KCNMA1: variants seen among roughly 807,000 people sequenced by gnomAD.
KCNMA1 encodes the protein potassium calcium-activated channel subfamily M alpha 1, also known as Calcium-activated potassium channel subunit alpha-1.
In KCNMA1, 29 loss-of-function variants were observed where a neutral mutation model predicts 140.0. The ratio of observed to expected loss-of-function variants is 0.21; its 90% CI spans 0.15 to 0.28. The LOEUF (loss-of-function observed/expected upper bound fraction) is 0.28, where lower values mean the gene tolerates loss of function less well. Among genes scored for constraint, KCNMA1 ranks in the 10% least tolerant of loss-of-function variants. The pLI is 1.00. For missense variants in KCNMA1, 880 were observed against 1,602.2 expected (o/e 0.55, Z 7.70); for synonymous variants, 612 against 611.9 (o/e 1.00, Z 0.00).
intron 1 of KCNMA1, among the ~76,000 whole-genome samples, chr10:77,579,806 C>A (rs988112753): frequency 2.0e-4 from 30 of 152,098 alleles, no homozygotes; most frequent in Non-Finnish European, 3.5e-4. Context: ...GGGATCCCAG[C>A]AAAGGAAATG....
At chr10:77,342,772 T>C (rs1310682901) in intron 2 of KCNMA1, among the ~76,000 whole-genome samples, 1 of 152,248 alleles carries the variant, frequency 6.6e-6, no homozygotes, top group Admixed American at 6.5e-5. Flanking sequence ...ATGTGTGTAC[T>C]GTGATTGGGC....
chr10:76,974,513 G>A (rs267602584), intron 19 of KCNMA1: 18 of 1,549,542 alleles, frequency 1.2e-5, no homozygotes, highest in Non-Finnish European at 1.4e-5. Context: ...CCGAGAATTG[G>A]GAGTCTCCTT....
intron 20 of KCNMA1, among the ~76,000 whole-genome samples, chr10:76,960,277 T>C (rs1012153815): frequency 6.6e-6 from 1 of 152,188 alleles, no homozygotes; most frequent in Admixed American, 6.5e-5. Context: ...TGGTGGCTCA[T>C]GCCTGTAATC....
rs147033703 is a variant in KCNMA1, at chr10:77,054,388, G to A, written c.1750-14751C>T. ...AGGATAGAATCCATCACCCTAAAAAGCAATGCCACAGGTATGGGGGCCAGG... is the reference window on the plus strand; with the variant it reads ...AGGATAGAATCCATCACCCTAAAAAACAATGCCACAGGTATGGGGGCCAGG... On this transcript the variant is annotated intron_variant, in intron 14 of 27. Coordinates refer to ENST00000286628, the MANE Select transcript of KCNMA1 (RefSeq NM_001161352.2). Among the ~76,000 whole-genome samples the A allele has an allele frequency of 2.2e-4, 34 of 152,194 alleles. No individual in the cohort carries two copies. The East Asian group carries it at 6.6e-3, about 29-fold the overall frequency.
intron 2 of KCNMA1, among the ~76,000 whole-genome samples, chr10:77,293,314 A>C (rs2073932589): frequency 6.6e-6 from 1 of 152,200 alleles, no homozygotes. Context: ...TTGAAGGTCT[A>C]AGAGAGAGCT....
chr10:77,160,265 C>T (rs182562748), intron 5 of KCNMA1, among the ~76,000 whole-genome samples: 37 of 152,296 alleles, frequency 2.4e-4, no homozygotes, highest in African/African-American at 8.9e-4. Context: ...CACTTCCTGG[C>T]TCCCCAAAGA....
intron 12 of KCNMA1, among the ~76,000 whole-genome samples, chr10:77,082,002 CTTTTCTTTT>C (rs1390344431): frequency 7.3e-3 from 373 of 51,242 alleles, no homozygotes; most frequent in Non-Finnish European, 0.013. Flanking sequence ...TTCTTTTTTT[CTTTTCTTTT>C]TTTTTTTTTT....
Position 76,887,559 on chromosome 10 carries a change from G to C in KCNMA1, c.3462-44C>G, listed in dbSNP as rs202211039. On this transcript the variant is annotated intron_variant, in intron 27 of 27. Coordinates refer to ENST00000286628, the MANE Select transcript of KCNMA1 (RefSeq NM_001161352.2). ...GATGTCACCTCCTGAGAGTAACTGA[G>C]TAAAGAATTCAACTCTCTCTGAACC... 5 of 1,611,298 alleles carry C rather than the reference G, an allele frequency of 3.1e-6. No individual in the cohort carries two copies. In the Admixed American group the frequency reaches 8.3e-5, roughly 27 times the overall value.
In KCNMA1 at chr10:77,005,604, T is replaced by C. The variant is rs78312987; in HGVS notation, c.2093-4024A>G. On this transcript the variant is annotated intron_variant, in intron 18 of 27. Coordinates refer to ENST00000286628, the MANE Select transcript of KCNMA1 (RefSeq NM_001161352.2). Reference sequence around the variant, plus strand: ...CCCTCTGGTTCACATCATAAGGTTCTTGTTATTGGACCAGGGCCATGGATT... The same window carrying C: ...CCCTCTGGTTCACATCATAAGGTTCCTGTTATTGGACCAGGGCCATGGATT... Among the ~76,000 whole-genome samples, 562 of 152,320 alleles carry C rather than the reference T, an allele frequency of 3.7e-3. 21 individuals carry two copies. The East Asian group carries it at 0.08, about 22-fold the overall frequency.
At position 77,505,480 on chromosome 10, in the gene KCNMA1, G is replaced by A. The variant is rs565259223; in HGVS notation, c.379-101457C>T. On this transcript the variant is annotated intron_variant, in intron 1 of 27. Transcript: ENST00000286628. ...ATTAGTGCCATTAGAGAGGAAATGGGGTAGAAGCTTTGGTTGGGGGGAAGC... is the reference window on the plus strand; with the variant it reads ...ATTAGTGCCATTAGAGAGGAAATGGAGTAGAAGCTTTGGTTGGGGGGAAGC... Among the ~76,000 whole-genome samples the A allele has an allele frequency of 6.6e-4, 100 of 152,354 alleles. 1 individual carries two copies. The South Asian group carries it at 0.013, about 20-fold the overall frequency.
chr10:77,463,834 G>A (rs2097923952), intron 1 of KCNMA1, among the ~76,000 whole-genome samples: 1 of 152,150 alleles, frequency 6.6e-6, no homozygotes, highest in East Asian at 1.9e-4. Context: ...GAGGCAACAT[G>A]CAAATTAGTA....
Position 77,562,132 on chromosome 10 carries a change from A to G in KCNMA1, c.378+75133T>C, listed in dbSNP as rs971405901. ...GGTGGTGGTGGTTTGTTTCTTCCCT[A>G]TCTGTGCTGATTATATTCAATACAC... On this transcript the variant is annotated intron_variant, in intron 1 of 27. Coordinates refer to ENST00000286628, the MANE Select transcript of KCNMA1 (RefSeq NM_001161352.2). Among the ~76,000 whole-genome samples the G allele has an allele frequency of 2.6e-5, 4 of 152,274 alleles. No homozygotes were observed. The East Asian group carries it at 7.7e-4, about 29-fold the overall frequency.
intron 1 of KCNMA1, among the ~76,000 whole-genome samples, chr10:77,581,094 G>A (rs557312675): frequency 3.5e-4 from 53 of 152,122 alleles, no homozygotes; most frequent in Non-Finnish European, 6.8e-4. Context: ...CCCTACATTC[G>A]CATTCTGCAC....
intron 5 of KCNMA1, among the ~76,000 whole-genome samples, chr10:77,158,852 T>A (rs980614654): frequency 6.6e-6 from 1 of 152,122 alleles, no homozygotes; most frequent in Non-Finnish European, 1.5e-5. Flanking sequence ...TAGTTGTGGA[T>A]ATGGTAGCCT....
chr10:77,196,158 C>T (rs2040408327), intron 3 of KCNMA1, among the ~76,000 whole-genome samples: 2 of 152,058 alleles, frequency 1.3e-5, no homozygotes, highest in Non-Finnish European at 2.9e-5. Flanking sequence ...ATTATAAAAA[C>T]ATCTCTGTGA....
intron 2 of KCNMA1, among the ~76,000 whole-genome samples, chr10:77,309,899 G>C (rs2078810444): frequency 6.6e-6 from 1 of 152,174 alleles, no homozygotes; most frequent in Non-Finnish European, 1.5e-5. Context: ...CTGAGGCTCT[G>C]TGATTGCTTG....
At chr10:76,982,413 T>G (rs1427730030) in intron 19 of KCNMA1, among the ~76,000 whole-genome samples, 66 of 151,452 alleles carry the variant, frequency 4.4e-4, no homozygotes, top group Non-Finnish European at 2.9e-5. Context: ...TATCCCCAGA[T>G]GGAGCACAGG....
chr10:77,233,666 C>T (rs1424626887), intron 3 of KCNMA1, among the ~76,000 whole-genome samples: 1 of 152,164 alleles, frequency 6.6e-6, no homozygotes, highest in Non-Finnish European at 1.5e-5. Flanking sequence ...AAATCTAGTG[C>T]CTATTGTTTG....
chr10:77,334,154 A>G (rs949735945), intron 2 of KCNMA1, among the ~76,000 whole-genome samples: 1 of 152,054 alleles, frequency 6.6e-6, no homozygotes, highest in Non-Finnish European at 1.5e-5. Context: ...AAATGTGTTT[A>G]TTTTCACATG....
Sources: gnomAD v4.1 joint callset for allele counts (sites outside exome capture counted in the v4.1 genomes callset) on GRCh38, gnomAD v4.1.1 for gene constraint, MANE v1.5 for transcripts, NCBI Gene and HGNC (gene_info 2026-07-23, HGNC 2026-07-21) for gene names.